BCAS3: variants seen among roughly 807,000 people sequenced by gnomAD.
BCAS3 encodes BCAS3 microtubule associated cell migration factor.
BCAS3 carries 53 observed loss-of-function variants against 116.1 expected under a neutral mutation model. That is an observed-to-expected ratio of 0.46 (90% CI 0.37 to 0.57). The LOEUF (loss-of-function observed/expected upper bound fraction) is 0.57. Among genes scored for constraint, BCAS3 ranks in the 20% least tolerant of loss-of-function variants. The pLI is 0.00. For synonymous variants in BCAS3, 391 were observed against 408.2 expected (o/e 0.96, Z 0.51); for missense variants, 917 against 1,165.4 (o/e 0.79, Z 3.10).
chr17:60,692,389 C>T (rs981176366), intron 4 of BCAS3, among the ~76,000 whole-genome samples: 15 of 152,020 alleles, frequency 9.9e-5, no homozygotes, highest in African/African-American at 3.4e-4. Flanking sequence ...CGACAGGCAC[C>T]CGCCACCATG....
rs1366822956 is a variant in BCAS3 at position 61,362,525 on chromosome 17, G to A, written c.2426-5802G>A. Among the ~76,000 whole-genome samples, 2 of 152,172 alleles carry A rather than the reference G, an allele frequency of 1.3e-5. No individual in the cohort carries two copies. The highest frequency in any genetic ancestry group is 4.1e-4 in the South Asian group (2 of 4,832). The stretch of plus-strand genomic sequence containing the variant: ...GCATCCTACCTGTCCCCCTCCACCT[G>A]CAGTCACTAGGCTTCCTTGCCTCTT... On this transcript the variant is annotated intron_variant, in intron 22 of 23. Coordinates refer to ENST00000407086, the MANE Select transcript of BCAS3 (RefSeq NM_017679.5). The surrounding 1 kb of genome is among the most constrained non-coding windows in gnomAD (Gnocchi z 4.4).
At chr17:60,803,318 C>A (rs1024107895) in intron 6 of BCAS3, among the ~76,000 whole-genome samples, 20 of 152,128 alleles carry the variant, frequency 1.3e-4, no homozygotes, top group Non-Finnish European at 2.6e-4. Flanking sequence ...TAGCCGATAT[C>A]AAATCTAGTC....
Position 61,141,858 on chromosome 17 carries a change from G to A in BCAS3, c.2425+57294G>A, listed in dbSNP as rs1050634633. Among the ~76,000 whole-genome samples, 7 of 139,730 alleles carry A rather than the reference G, an allele frequency of 5.0e-5. No individual in the cohort carries two copies. Among genetic ancestry groups the A allele is most frequent in the Admixed American group, 4.4e-4 (6 of 13,700 alleles). The allele number at this position is 139,730 out of a possible 152,430, so 91.7% of individuals were successfully genotyped here. A position where few individuals can be genotyped will look rare whatever the true frequency, so the allele number is the denominator to read the frequency against. On this transcript the variant is annotated intron_variant, in intron 22 of 23. Transcript: ENST00000407086. The surrounding 1 kb of genome is among the most constrained non-coding windows in gnomAD (Gnocchi z 4.3). ...GGAGGTTGCAGTGAGCCGAGATCGC[G>A]CCACTGCACTCCAGCCTGGTGACAG...
intron 14 of BCAS3, among the ~76,000 whole-genome samples, chr17:60,965,386 T>C (rs1400261864): frequency 6.6e-6 from 1 of 152,016 alleles, no homozygotes; most frequent in Admixed American, 6.6e-5. Flanking sequence ...CACACCTGGC[T>C]AATTTTTGTA....
chr17:60,944,293 A>G (rs1228342208), intron 13 of BCAS3, among the ~76,000 whole-genome samples: 1 of 152,096 alleles, frequency 6.6e-6, no homozygotes, highest in African/African-American at 2.4e-5. Context: ...TAATGTCTCT[A>G]CAGATATTAA....
At chr17:60,790,535 A>T (rs1160997424) in intron 6 of BCAS3, among the ~76,000 whole-genome samples, 1 of 152,142 alleles carries the variant, frequency 6.6e-6, no homozygotes, top group African/African-American at 2.4e-5. Context: ...ATCAAAAGTA[A>T]TATTGTTAAC....
chr17:61,221,805 T>C (rs904118918), intron 22 of BCAS3, among the ~76,000 whole-genome samples: 2 of 152,158 alleles, frequency 1.3e-5, no homozygotes, highest in South Asian at 4.1e-4. Flanking sequence ...CAGGAGAGTA[T>C]GATGTGAAAA....
chr17:60,919,341 T>G (rs1294003939), intron 12 of BCAS3, among the ~76,000 whole-genome samples: 1 of 152,216 alleles, frequency 6.6e-6, no homozygotes, highest in Non-Finnish European at 1.5e-5. Flanking sequence ...TTTTTTTTCT[T>G]GAGACGAAGT....
intron 22 of BCAS3, among the ~76,000 whole-genome samples, chr17:61,152,509 G>A (rs1371581529): frequency 1.3e-5 from 2 of 152,036 alleles, no homozygotes; most frequent in Non-Finnish European, 2.9e-5. Context: ...CTCTCAGTAG[G>A]CAGACTGAGC....
In BCAS3 at chr17:61,098,693, G is replaced by A. The variant is rs1601217864; in HGVS notation, c.2425+14129G>A. 2.0e-5 allele frequency among the ~76,000 whole-genome samples: 3 copies of A among 152,162 alleles called. No homozygotes were observed. The highest frequency in any genetic ancestry group is 4.1e-4 in the South Asian group (2 of 4,828). Reference sequence around the variant, plus strand: ...TGAGTAGAAGGAGATGATACTGATAGCAATTCTTAAGTCTCTAAATGTTTT... The same window carrying A: ...TGAGTAGAAGGAGATGATACTGATAACAATTCTTAAGTCTCTAAATGTTTT... On this transcript the variant is annotated intron_variant, in intron 22 of 23. Transcript: ENST00000407086. This position sits in a 1 kb window ranked among gnomAD's most constrained non-coding sequence, Gnocchi z 4.2.
intron 5 of BCAS3, among the ~76,000 whole-genome samples, chr17:60,713,648 T>C (rs1294990256): frequency 1.3e-5 from 2 of 152,198 alleles, no homozygotes; most frequent in Non-Finnish European, 2.9e-5. Flanking sequence ...ATTTACATTG[T>C]ACTAGGTATT....
chr17:60,798,032 C>T (rs1458172804), intron 6 of BCAS3, among the ~76,000 whole-genome samples: 2 of 152,124 alleles, frequency 1.3e-5, no homozygotes, highest in African/African-American at 4.8e-5. Context: ...TATTGTGAGA[C>T]CCTGTCTCAA....
rs2053952164 is a variant in BCAS3 at position 61,307,625 on chromosome 17, A to C, written c.2426-60702A>C. ...TTAGCGTTCATAAATAAAAGGAGCT[A>C]TATAAATCTGAGAAACTGTAGAGAG... On this transcript the variant is annotated intron_variant, in intron 22 of 23. Coordinates refer to ENST00000407086, the MANE Select transcript of BCAS3 (RefSeq NM_017679.5). The surrounding 1 kb of genome is among the most constrained non-coding windows in gnomAD (Gnocchi z 4.7). Among the ~76,000 whole-genome samples, 1 of 152,254 alleles carries C rather than the reference A, an allele frequency of 6.6e-6. No homozygotes were observed. The highest frequency in any genetic ancestry group is 1.5e-5 in the Non-Finnish European group (1 of 68,042).
chr17:60,980,166 A>G lies in BCAS3; in HGVS notation c.1222-9805A>G, dbSNP rs1230670482. 2.6e-5 allele frequency among the ~76,000 whole-genome samples: 4 copies of G among 152,182 alleles called. No individual in the cohort carries two copies. The East Asian group carries it at 7.7e-4, about 29-fold the overall frequency. On this transcript the variant is annotated intron_variant, in intron 14 of 23. Transcript: ENST00000407086. The stretch of plus-strand genomic sequence containing the variant: ...TGGTAAGCTATTGATTATTGCCACA[A>G]TTTCAGATCCTGTTATTGGTCTATT...
intron 22 of BCAS3, among the ~76,000 whole-genome samples, chr17:61,216,001 C>T (rs529590405): frequency 2.6e-5 from 4 of 152,214 alleles, no homozygotes; most frequent in East Asian, 3.9e-4. Flanking sequence ...AGTAGTAGAT[C>T]GCTGATATTT....
At chr17:60,989,722 T>C (rs551489201) in intron 14 of BCAS3, among the ~76,000 whole-genome samples, 2 of 152,322 alleles carry the variant, frequency 1.3e-5, no homozygotes, top group Non-Finnish European at 2.9e-5. Context: ...TAAGATCTTC[T>C]TTCTTTGCAT....
rs371508911 is a variant in BCAS3, at chr17:61,202,555, T to C, written c.2425+117991T>C. On this transcript the variant is annotated intron_variant, in intron 22 of 23. Transcript: ENST00000407086. ...GTCGAGTTTACTTTTCTTCTTATTT[T>C]ACTTGTGTTTCTTCTAAAGGAGCTG... 2.8e-4 allele frequency among the ~76,000 whole-genome samples: 42 copies of C among 152,322 alleles called. No homozygotes were observed. The East Asian group carries it at 7.3e-3, about 27-fold the overall frequency.
rs559015153 is a variant in BCAS3 at position 61,056,295 on chromosome 17, A to C, written c.2029+15403A>C. Among the ~76,000 whole-genome samples the C allele has an allele frequency of 6.6e-6, 1 of 152,280 alleles. No individual in the cohort carries two copies. The highest frequency in any genetic ancestry group is 1.9e-4 in the East Asian group (1 of 5,180). On this transcript the variant is annotated intron_variant, in intron 19 of 23. Transcript: ENST00000407086. This position sits in a 1 kb window ranked among gnomAD's most constrained non-coding sequence, Gnocchi z 4.9. ...TGAAGGACAGCCTTCCGCGAGTTGG[A>C]GTCTTGACCACCAGTAACTAACTGT...
At chr17:61,304,422 G>A (rs1026088357) in intron 22 of BCAS3, among the ~76,000 whole-genome samples, 1 of 152,204 alleles carries the variant, frequency 6.6e-6, no homozygotes, top group African/African-American at 2.4e-5. Context: ...ATGTTCCAGT[G>A]CCACCAGATT....
Sources: gnomAD v4.1 joint callset for allele counts (sites outside exome capture counted in the v4.1 genomes callset) on GRCh38, gnomAD v4.1.1 for gene constraint, Gnocchi (gnomAD v3.1) non-coding constraint, MANE v1.5 for transcripts, NCBI Gene and HGNC (gene_info 2026-07-23, HGNC 2026-07-21) for gene names.